LAMA2: variants seen among roughly 807,000 people sequenced by gnomAD.
The protein encoded by LAMA2 is laminin subunit alpha 2.
In LAMA2, 269 loss-of-function variants were observed where a neutral mutation model predicts 364.8. That is an observed-to-expected ratio of 0.74 (90% CI 0.67 to 0.82). The LOEUF (loss-of-function observed/expected upper bound fraction) is 0.82. Among genes scored for constraint, LAMA2 ranks in the 40% least tolerant of loss-of-function variants. The pLI is 0.00. For synonymous variants in LAMA2, 1,379 were observed against 1,370.6 expected (o/e 1.01, Z -0.14); for missense variants, 3,807 against 3,873.2 (o/e 0.98, Z 0.45).
intron 62 of LAMA2, among the ~76,000 whole-genome samples, chr6:129,509,843 A>G (rs1786426939): frequency 6.6e-6 from 1 of 152,014 alleles, no homozygotes; most frequent in South Asian, 2.1e-4. Flanking sequence ...TCTGGGTTTC[A>G]TATGAATTTT....
intron 10 of LAMA2, among the ~76,000 whole-genome samples, chr6:129,181,060 G>T (rs1443754959): frequency 2.6e-5 from 4 of 152,062 alleles, no homozygotes; most frequent in Non-Finnish European, 5.9e-5. Flanking sequence ...TCTCTTAGGG[G>T]CTCTGGGTGG....
At chr6:129,083,132 G>A (rs1423212346) in intron 3 of LAMA2, among the ~76,000 whole-genome samples, 2 of 151,248 alleles carry the variant, frequency 1.3e-5, no homozygotes, top group African/African-American at 4.9e-5. Flanking sequence ...ATATAAAATG[G>A]GCAGCACACT....
chr6:128,906,740 G>A (rs552085714), intron 1 of LAMA2, among the ~76,000 whole-genome samples: 2 of 151,996 alleles, frequency 1.3e-5, no homozygotes, highest in South Asian at 4.2e-4. Flanking sequence ...TACTGCCTAG[G>A]TTTTCTTCTA....
intron 14 of LAMA2, 27 bp from the exon 15 acceptor site, chr6:129,260,684 C>A: frequency 7.4e-7 from 1 of 1,355,842 alleles, no homozygotes; most frequent in Non-Finnish European, 1.1e-6. Flanking sequence ...TTTACTTATT[C>A]ACCATCTCTT....
intron 63 of LAMA2, among the ~76,000 whole-genome samples, 191 bp from the exon 64 acceptor site, chr6:129,514,182 G>C (rs536095751): frequency 1.3e-5 from 2 of 152,260 alleles, no homozygotes; most frequent in South Asian, 4.1e-4. Context: ...AGCATAATTT[G>C]TGGCTCCTGG....
chr6:128,981,391 A>T (rs1164025359), intron 1 of LAMA2, among the ~76,000 whole-genome samples: 1 of 152,014 alleles, frequency 6.6e-6, no homozygotes, highest in Admixed American at 6.6e-5. Flanking sequence ...CCTTGCCTGC[A>T]CTTCTAGCCT....
intron 37 of LAMA2, among the ~76,000 whole-genome samples, chr6:129,397,072 C>T (rs1315636686): frequency 6.6e-6 from 1 of 150,964 alleles, no homozygotes; most frequent in East Asian, 1.9e-4. Context: ...GAAGAATCTA[C>T]CACACCAACA....
intron 7 of LAMA2, among the ~76,000 whole-genome samples, chr6:129,153,783 G>A (rs545056000): frequency 3.3e-5 from 5 of 152,164 alleles, no homozygotes; most frequent in Admixed American, 1.3e-4. Context: ...TTAAAAGAAA[G>A]GAATTATATT....
chr6:129,277,851 G>T (rs1788437954), intron 17 of LAMA2, among the ~76,000 whole-genome samples: 1 of 152,064 alleles, frequency 6.6e-6, no homozygotes, highest in African/African-American at 2.4e-5. Context: ...TACTTATGTT[G>T]GTTTTAACTG....
intron 1 of LAMA2, among the ~76,000 whole-genome samples, chr6:128,925,817 A>ATT (rs550034051): frequency 3.3e-5 from 5 of 150,612 alleles, no homozygotes; most frequent in South Asian, 2.1e-4. Context: ...TCTTTGATTC[A>ATT]TTTTTTTTTC....
chr6:129,006,150 A>T (rs1784432992), intron 1 of LAMA2, among the ~76,000 whole-genome samples: 1 of 152,170 alleles, frequency 6.6e-6, no homozygotes, highest in Non-Finnish European at 1.5e-5. Context: ...AATTGAATAA[A>T]TAATGTTAGA....
At chr6:129,379,690 C>T (rs1461464138) in intron 34 of LAMA2, among the ~76,000 whole-genome samples, 1 of 152,182 alleles carries the variant, frequency 6.6e-6, no homozygotes, top group Non-Finnish European at 1.5e-5. Flanking sequence ...GTTTGAATTA[C>T]TGTGAGGCCA....
At chr6:129,267,621 A>G (rs1433762245) in intron 16 of LAMA2, among the ~76,000 whole-genome samples, 1 of 152,052 alleles carries the variant, frequency 6.6e-6, no homozygotes, top group Non-Finnish European at 1.5e-5. Context: ...TAGTAAACAT[A>G]ATTAAGTTTT....
intron 5 of LAMA2, among the ~76,000 whole-genome samples, chr6:129,146,427 G>A (rs541249201): frequency 4.7e-4 from 71 of 151,938 alleles, no homozygotes; most frequent in African/African-American, 1.7e-3. Context: ...CAAATGTTCT[G>A]CACAATAAAC....
chr6:129,193,953 C>CA (rs1317244462), intron 12 of LAMA2, among the ~76,000 whole-genome samples: 2 of 151,986 alleles, frequency 1.3e-5, no homozygotes, highest in African/African-American at 4.8e-5. Flanking sequence ...AATGCTATTA[C>CA]AAAAAATGTG....
At chr6:128,902,130 T>C (rs1163705542) in intron 1 of LAMA2, among the ~76,000 whole-genome samples, 1 of 152,214 alleles carries the variant, frequency 6.6e-6, no homozygotes, top group African/African-American at 2.4e-5. Context: ...CTCACTATCC[T>C]GAGAACAGCA....
At chr6:129,326,000 T>TGGCTA (rs1775256383) in intron 28 of LAMA2, among the ~76,000 whole-genome samples, 1 of 152,070 alleles carries the variant, frequency 6.6e-6, no homozygotes, top group Non-Finnish European at 1.5e-5. Context: ...TCACCACGCC[T>TGGCTA]GGCTAATTTT....
intron 12 of LAMA2, among the ~76,000 whole-genome samples, chr6:129,214,158 C>G (rs768610149): frequency 2.6e-5 from 4 of 152,078 alleles, no homozygotes; most frequent in Admixed American, 1.3e-4. Context: ...AGCTTGTGAT[C>G]CTGGGAGCTT....
intron 27 of LAMA2, 128 bp downstream of exon 27, chr6:129,316,299 C>A: frequency 1.3e-6 from 1 of 744,460 alleles, no homozygotes; most frequent in South Asian, 1.7e-5. Flanking sequence ...GAAGATAAAC[C>A]ATGGAGGCTT....
Sources: gnomAD v4.1 joint callset for allele counts (sites outside exome capture counted in the v4.1 genomes callset) on GRCh38, gnomAD v4.1.1 for gene constraint, MANE v1.5 for transcripts, NCBI Gene and HGNC (gene_info 2026-07-23, HGNC 2026-07-21) for gene names.